SLCO3A1: variants seen among roughly 807,000 people sequenced by gnomAD.
SLCO3A1 encodes PGE1 transporter.
SLCO3A1 carries 27 observed loss-of-function variants against 63.1 expected under a neutral mutation model. The observed-to-expected ratio is 0.43, with a 90% confidence interval of 0.32 to 0.59. The LOEUF (loss-of-function observed/expected upper bound fraction) is 0.59, where lower values mean the gene tolerates loss of function less well. SLCO3A1 is among the 20% of genes least tolerant of loss of function. The pLI is 0.09. For missense variants in SLCO3A1, 773 were observed against 945.8 expected, an observed-to-expected ratio of 0.82 and a Z score of 2.40; for synonymous variants, 473 against 409.9, an observed-to-expected ratio of 1.15 and a Z score of -1.86.
chr15:92,053,921 A>G (rs1331334903), intron 2 of SLCO3A1, among the ~76,000 whole-genome samples: 1 of 152,098 alleles, frequency 6.6e-6, no homozygotes, highest in Non-Finnish European at 1.5e-5. Flanking sequence ...CACGGTGTGC[A>G]GCCCACACTT....
At position 91,976,656 on chromosome 15, in the gene SLCO3A1, C is replaced by T. The variant is rs145706197; in HGVS notation, c.646+60198C>T. Among the ~76,000 whole-genome samples the T allele has an allele frequency of 5.9e-3, 891 of 152,060 alleles. 15 individuals carry two copies. The highest frequency in any genetic ancestry group is 0.02 in the African/African-American group (838 of 41,458). On this transcript the variant is annotated intron_variant, in intron 2 of 9. Coordinates refer to ENST00000318445, the MANE Select transcript of SLCO3A1 (RefSeq NM_013272.4). ...GTTCTTTTCTATTTTCCTTAAGTGC[C>T]GGCCAGCTTGAGAAATAAAGGGACA...
At chr15:92,125,654 C>G (rs1396396873) in intron 5 of SLCO3A1, among the ~76,000 whole-genome samples, 2 of 152,060 alleles carry the variant, frequency 1.3e-5, no homozygotes, top group East Asian at 3.9e-4. Flanking sequence ...GATCTCAAGT[C>G]CGCTTCCCAC....
intron 2 of SLCO3A1, among the ~76,000 whole-genome samples, chr15:91,933,357 G>A (rs1377859960): frequency 6.6e-6 from 1 of 152,062 alleles, no homozygotes; most frequent in African/African-American, 2.4e-5. Context: ...TAGCTTCTAA[G>A]CCTGTCATTT....
chr15:92,107,991 G>C (rs1298208736), intron 4 of SLCO3A1, among the ~76,000 whole-genome samples: 2 of 152,164 alleles, frequency 1.3e-5, no homozygotes, highest in African/African-American at 4.8e-5. Context: ...AAACCAAGCT[G>C]GTGATATGGG....
intron 9 of SLCO3A1, chr15:92,153,617 C>A (rs140523331): frequency 6.6e-6 from 1 of 152,336 alleles, no homozygotes; most frequent in Non-Finnish European, 1.5e-5. Context: ...ATGGGGACAT[C>A]ACAGGTTAGT....
intron 2 of SLCO3A1, among the ~76,000 whole-genome samples, chr15:91,961,144 C>A (rs933158664): frequency 6.6e-6 from 1 of 152,204 alleles, no homozygotes; most frequent in African/African-American, 2.4e-5. Flanking sequence ...TTTTTGAATA[C>A]TTAGTTTATC....
chr15:91,957,261 C>T (rs554965758), intron 2 of SLCO3A1, among the ~76,000 whole-genome samples: 1 of 141,516 alleles, frequency 7.1e-6, no homozygotes, highest in African/African-American at 2.7e-5. Flanking sequence ...GCATGAACCA[C>T]CGGACCTGGC....
intron 7 of SLCO3A1, 71 bp downstream of exon 7, chr15:92,128,560 C>T: frequency 1.4e-6 from 2 of 1,429,072 alleles, no homozygotes; most frequent in East Asian, 4.8e-5. Flanking sequence ...CAAGTTTTTG[C>T]CCAGGTTGTT....
At chr15:91,868,555 G>A (rs1005099393) in intron 1 of SLCO3A1, among the ~76,000 whole-genome samples, 1 of 152,144 alleles carries the variant, frequency 6.6e-6, no homozygotes, top group African/African-American at 2.4e-5. Context: ...CTGCATTGAT[G>A]CGTGACTTCC....
chr15:91,996,859 T>G (rs1314179420), intron 2 of SLCO3A1, among the ~76,000 whole-genome samples: 4 of 152,044 alleles, frequency 2.6e-5, no homozygotes, highest in African/African-American at 9.7e-5. Flanking sequence ...ACATCCTGAG[T>G]ATGAAAAGCC....
chr15:92,043,930 G>A (rs755441995), intron 2 of SLCO3A1, among the ~76,000 whole-genome samples: 2 of 152,114 alleles, frequency 1.3e-5, no homozygotes, highest in Non-Finnish European at 2.9e-5. Flanking sequence ...CCCCCTGGGA[G>A]CCTGCTTCCT....
chr15:91,928,620 G>T (rs546737235), intron 2 of SLCO3A1, among the ~76,000 whole-genome samples: 1 of 152,342 alleles, frequency 6.6e-6, no homozygotes, highest in South Asian at 2.1e-4. Flanking sequence ...CTCTTTCTCA[G>T]TATAGTACCC....
intron 7 of SLCO3A1, among the ~76,000 whole-genome samples, chr15:92,136,483 G>C (rs2048058964): frequency 6.6e-6 from 1 of 152,146 alleles, no homozygotes. Context: ...ATTCCAGAGA[G>C]TCATTTTTCT....
chr15:92,010,119 T>C (rs1291675105), intron 2 of SLCO3A1, among the ~76,000 whole-genome samples: 1 of 152,188 alleles, frequency 6.6e-6, no homozygotes, highest in Non-Finnish European at 1.5e-5. Flanking sequence ...ACTTAGGATC[T>C]TTACTTTTCA....
At position 92,056,602 on chromosome 15, in the gene SLCO3A1, A is replaced by G. The variant is rs138285701; in HGVS notation, c.647-38279A>G. On this transcript the variant is annotated intron_variant, in intron 2 of 9. Coordinates refer to ENST00000318445, the MANE Select transcript of SLCO3A1 (RefSeq NM_013272.4). ...TTAGTGAGAGTGTTTATTTTCTTGG[A>G]CTTCCTTCTCTCCAAAGCCATGTTC... Among the ~76,000 whole-genome samples the G allele has an allele frequency of 8.9e-4, 136 of 152,236 alleles. 1 individual carries two copies. The highest frequency in any genetic ancestry group is 3.2e-3 in the African/African-American group (135 of 41,546).
downstream of SLCO3A1, among the ~76,000 whole-genome samples, chr15:92,169,664 C>T (rs866291194): frequency 1.3e-4 from 20 of 152,376 alleles, no homozygotes; most frequent in African/African-American, 4.1e-4. Context: ...TCGGCTCCCC[C>T]GGAAAGACCC....
chr15:92,093,877 A>T (rs930648726), intron 2 of SLCO3A1, among the ~76,000 whole-genome samples: 1 of 151,962 alleles, frequency 6.6e-6, no homozygotes, highest in South Asian at 2.1e-4. Flanking sequence ...AGTGACATTC[A>T]TCTCTCACCC....
intron 2 of SLCO3A1, among the ~76,000 whole-genome samples, chr15:92,024,606 A>G (rs2046548342): frequency 6.6e-6 from 1 of 152,218 alleles, no homozygotes; most frequent in Admixed American, 6.5e-5. Flanking sequence ...TCTCTCAGTC[A>G]TGGGGATACA....
chr15:91,864,110 A>G (rs989534447), intron 1 of SLCO3A1, among the ~76,000 whole-genome samples: 17 of 152,224 alleles, frequency 1.1e-4, no homozygotes, highest in Non-Finnish European at 2.1e-4. Context: ...TGCTTGGGCT[A>G]AATCCAAATA....
Sources: allele counts gnomAD v4.1 joint callset (sites outside exome capture counted in the v4.1 genomes callset), GRCh38; gene constraint gnomAD v4.1.1; transcripts MANE v1.5; gene names NCBI Gene and HGNC (gene_info 2026-07-23, HGNC 2026-07-21).